NTM: variants seen among roughly 807,000 people sequenced by gnomAD.
The protein encoded by NTM is neurotrimin.
A neutral mutation model predicts 42.1 loss-of-function variants in NTM; 13 were observed. That is an observed-to-expected ratio of 0.31 (90% CI 0.20 to 0.49). NTM has a LOEUF of 0.49. Among genes scored for constraint, NTM ranks in the 20% least tolerant of loss-of-function variants. NTM has a pLI of 0.99. For synonymous variants in NTM, 187 were observed against 179.2 expected (o/e 1.04, Z -0.35); for missense variants, 373 against 452.8 (o/e 0.82, Z 1.60).
At chr11:131,913,245 C>A (rs1394421040) in intron 2 of NTM, among the ~76,000 whole-genome samples, 1 of 152,216 alleles carries the variant, frequency 6.6e-6, no homozygotes, top group East Asian at 1.9e-4. Flanking sequence ...TCTCTGGATG[C>A]CCTCTTTGTC....
intron 7 of NTM, among the ~76,000 whole-genome samples, chr11:132,328,688 ATTACT>A (rs990539761): frequency 3.3e-5 from 5 of 152,008 alleles, no homozygotes; most frequent in African/African-American, 1.2e-4. Flanking sequence ...AAGTTTTATG[ATTACT>A]TTATCTCCCC....
chr11:131,492,447 C>T (rs1008140376), intron 1 of NTM, among the ~76,000 whole-genome samples: 1 of 152,204 alleles, frequency 6.6e-6, no homozygotes, highest in Non-Finnish European at 1.5e-5. Context: ...GTACCTTCCA[C>T]AACTTCATAA....
intron 1 of NTM, among the ~76,000 whole-genome samples, chr11:131,514,793 G>T (rs944605568): frequency 2.0e-5 from 3 of 151,996 alleles, no homozygotes; most frequent in African/African-American, 7.2e-5. Flanking sequence ...GTTTCTCTAT[G>T]TTACCCATGC....
chr11:131,879,719 T>C (rs1315112197), intron 1 of NTM, among the ~76,000 whole-genome samples: 1 of 127,700 alleles, frequency 7.8e-6, no homozygotes, highest in African/African-American at 3.2e-5. Flanking sequence ...GGAATCTAGC[T>C]CCTGAGGTCT....
At chr11:131,448,695 G>A (rs1047358802) in intron 1 of NTM, among the ~76,000 whole-genome samples, 1 of 152,202 alleles carries the variant, frequency 6.6e-6, no homozygotes, top group African/African-American at 2.4e-5. Flanking sequence ...CCTCCAGGTT[G>A]CAGGAGAGAA....
At chr11:132,169,319 ACTTTT>A (rs2075773235) in intron 3 of NTM, among the ~76,000 whole-genome samples, 2 of 10,296 alleles carry the variant, frequency 1.9e-4, no homozygotes, top group African/African-American at 5.8e-4. Flanking sequence ...TAATTTTTTT[ACTTTT>A]TTTTTTTTTT....
chr11:131,754,339 A>G (rs899639115), intron 1 of NTM, among the ~76,000 whole-genome samples: 5 of 152,346 alleles, frequency 3.3e-5, no homozygotes, highest in African/African-American at 1.2e-4. Flanking sequence ...AGTTAAATAC[A>G]TGGGGCTGGG....
intron 1 of NTM, among the ~76,000 whole-genome samples, chr11:131,564,918 C>T (rs752207199): frequency 3.3e-5 from 5 of 152,328 alleles, no homozygotes; most frequent in Non-Finnish European, 5.9e-5. Context: ...GCTTCCTCTA[C>T]GTCTGCCCAT....
intron 1 of NTM, among the ~76,000 whole-genome samples, chr11:131,522,555 C>T (rs972513562): frequency 6.6e-6 from 1 of 152,092 alleles, no homozygotes; most frequent in African/African-American, 2.4e-5. Flanking sequence ...AAAGCTTTCT[C>T]CAGGGAAACA....
intron 2 of NTM, among the ~76,000 whole-genome samples, chr11:131,994,296 GGGAA>G (rs1442868070): frequency 6.6e-6 from 1 of 152,150 alleles, no homozygotes; most frequent in African/African-American, 2.4e-5. Context: ...TCTGAGGGGT[GGGAA>G]GGGAGTTCTG....
intron 2 of NTM, among the ~76,000 whole-genome samples, chr11:132,095,902 T>C (rs1052736125): frequency 6.6e-6 from 1 of 152,134 alleles, no homozygotes; most frequent in African/African-American, 2.4e-5. Flanking sequence ...CCAAAAAGAC[T>C]CTTCTCGTGT....
intron 1 of NTM, among the ~76,000 whole-genome samples, chr11:131,480,867 T>G (rs1846893768): frequency 6.6e-6 from 1 of 152,112 alleles, no homozygotes; most frequent in Non-Finnish European, 1.5e-5. Context: ...TTGATGCAGA[T>G]GTAATATATT....
chr11:131,437,359 G>A (rs1173695757), intron 1 of NTM, among the ~76,000 whole-genome samples: 4 of 152,062 alleles, frequency 2.6e-5, no homozygotes, highest in Non-Finnish European at 2.9e-5. Context: ...CTGTCTCGTC[G>A]GTCTGTCTAA....
intron 1 of NTM, among the ~76,000 whole-genome samples, chr11:131,725,068 C>A (rs1320533849): frequency 6.6e-6 from 1 of 152,098 alleles, no homozygotes; most frequent in African/African-American, 2.4e-5. Context: ...CATCGTGATG[C>A]AAGGCACTGT....
At position 132,003,147 on chromosome 11, in the gene NTM, A is replaced by G. The variant is rs1433988556; in HGVS notation, c.167+91499A>G. Among the ~76,000 whole-genome samples the G allele has an allele frequency of 6.6e-6, 1 of 152,110 alleles. No individual in the cohort carries two copies. The highest frequency in any genetic ancestry group is 1.5e-5 in the Non-Finnish European group (1 of 68,030). ...ATATTTCCTCCTTCACCCTAATGCT[A>G]GCCCGGTTCTGAGCCAGAGTTATTT... is the stretch of plus-strand genomic sequence containing the variant. On this transcript the variant is annotated intron_variant, in intron 2 of 8. Coordinates refer to ENST00000683400, the MANE Select transcript of NTM (RefSeq NM_001352005.2). The surrounding 1 kb of genome is among the most constrained non-coding windows in gnomAD (Gnocchi z 6.0).
chr11:131,838,666 CAT>C (rs1168393168), intron 1 of NTM, among the ~76,000 whole-genome samples: 2 of 152,108 alleles, frequency 1.3e-5, no homozygotes, highest in African/African-American at 4.8e-5. Flanking sequence ...CGTACAATGT[CAT>C]ATGCGCACTC....
chr11:132,309,974 T>C, intron 5 of NTM, 138 bp from the exon 6 acceptor site: 1 of 1,049,556 alleles, frequency 9.5e-7, no homozygotes, highest in Non-Finnish European at 1.3e-6. Flanking sequence ...GAGAATTGCT[T>C]GAACCCGGGA....
chr11:131,873,048 G>A (rs1229072214), intron 1 of NTM, among the ~76,000 whole-genome samples: 1 of 152,120 alleles, frequency 6.6e-6, no homozygotes, highest in Non-Finnish European at 1.5e-5. Context: ...TGACCGGTGT[G>A]AGACACATGC....
At chr11:132,226,433 T>G (rs2086300985) in intron 4 of NTM, among the ~76,000 whole-genome samples, 1 of 152,234 alleles carries the variant, frequency 6.6e-6, no homozygotes, top group African/African-American at 2.4e-5. Context: ...CTCATTGTGG[T>G]TTTGATTTGC....
Sources: gnomAD v4.1 joint callset for allele counts (sites outside exome capture counted in the v4.1 genomes callset) on GRCh38, gnomAD v4.1.1 for gene constraint, Gnocchi (gnomAD v3.1) non-coding constraint, MANE v1.5 for transcripts, NCBI Gene and HGNC (gene_info 2026-07-23, HGNC 2026-07-21) for gene names.